The following PACRG variants were observed in gnomAD, a reference collection of about 807,000 sequenced individuals.
PACRG encodes the protein parkin coregulated, also known as parkin coregulated gene protein.
A neutral mutation model predicts 29.7 loss-of-function variants in PACRG; 29 were observed. The ratio of observed to expected loss-of-function variants is 0.98; its 90% CI spans 0.73 to 1.33. PACRG has a LOEUF of 1.33. Among genes scored for constraint, PACRG ranks in the 40% most tolerant of loss-of-function variants. PACRG has a pLI of 0.00. For missense variants in PACRG, 279 were observed against 316.2 expected, an observed-to-expected ratio of 0.88 and a Z score of 0.89; for synonymous variants, 116 against 118.7, an observed-to-expected ratio of 0.98 and a Z score of 0.15.
chr6:162,964,642 T>C (rs1002275338), intron 2 of PACRG, among the ~76,000 whole-genome samples: 1 of 152,118 alleles, frequency 6.6e-6, no homozygotes, highest in Non-Finnish European at 1.5e-5. Context: ...CATGAATGCG[T>C]TAGGAGGCTC....
chr6:162,954,548 T>A (rs1228890205), intron 2 of PACRG, among the ~76,000 whole-genome samples: 1 of 152,098 alleles, frequency 6.6e-6, no homozygotes, highest in African/African-American at 2.4e-5. Context: ...ATTATTATCA[T>A]TGTATCAGTA....
At chr6:163,294,995 A>G (rs1420567960) in intron 4 of PACRG, among the ~76,000 whole-genome samples, 1 of 152,238 alleles carries the variant, frequency 6.6e-6, no homozygotes, top group Non-Finnish European at 1.5e-5. Flanking sequence ...AAATGTGAGC[A>G]GTAACATTAT....
At chr6:162,761,901 C>A (rs1584270123) in intron 1 of PACRG, among the ~76,000 whole-genome samples, 1 of 139,994 alleles carries the variant, frequency 7.1e-6, no homozygotes. Flanking sequence ...AGCACCACTG[C>A]ACTCCAGCCT....
intron 4 of PACRG, among the ~76,000 whole-genome samples, chr6:163,097,088 C>T (rs915195663): frequency 3.9e-5 from 6 of 152,178 alleles, no homozygotes; most frequent in Non-Finnish European, 7.4e-5. Flanking sequence ...TAGTGACCTA[C>T]GCATAGGGCT....
chr6:163,126,479 G>C (rs1230072258), intron 4 of PACRG, among the ~76,000 whole-genome samples: 4 of 152,104 alleles, frequency 2.6e-5, no homozygotes, highest in Non-Finnish European at 5.9e-5. Flanking sequence ...TGGTATTTAT[G>C]AGGGCATTTA....
intron 2 of PACRG, among the ~76,000 whole-genome samples, chr6:163,058,630 C>T (rs774169523): frequency 1.1e-4 from 17 of 152,118 alleles, no homozygotes; most frequent in Non-Finnish European, 2.2e-4. Context: ...GGCGCTGTGG[C>T]TCACGCCTGT....
chr6:162,754,488 T>A (rs1048253572), intron 1 of PACRG, among the ~76,000 whole-genome samples: 10 of 152,198 alleles, frequency 6.6e-5, no homozygotes, highest in Non-Finnish European at 1.0e-4. Flanking sequence ...TTGTCTATTT[T>A]GCTTTTCCTT....
At chr6:162,810,521 T>C (rs1414317039) in intron 1 of PACRG, among the ~76,000 whole-genome samples, 1 of 152,170 alleles carries the variant, frequency 6.6e-6, no homozygotes, top group Non-Finnish European at 1.5e-5. Flanking sequence ...AATTAGTTAC[T>C]TCCAAAAATG....
At chr6:163,296,510 G>A (rs1279873809) in intron 4 of PACRG, among the ~76,000 whole-genome samples, 1 of 152,200 alleles carries the variant, frequency 6.6e-6, no homozygotes, top group African/African-American at 2.4e-5. Flanking sequence ...GGCCAGGCTG[G>A]TCTTGAACTT....
At chr6:163,309,781 T>C (rs1249881599) in intron 4 of PACRG, among the ~76,000 whole-genome samples, 1 of 152,198 alleles carries the variant, frequency 6.6e-6, no homozygotes, top group Non-Finnish European at 1.5e-5. Flanking sequence ...CTGACAACTC[T>C]GCCTTCCCCG....
rs376867356 is a variant in PACRG, at chr6:163,025,044, GA to G, written c.292-37105del. ...TCAATAAAATCTGACATCCCTCCATGATAAAAACCTTCAACAGACTAGGCAT... is the reference window on the plus strand; with the variant it reads ...TCAATAAAATCTGACATCCCTCCATGTAAAAACCTTCAACAGACTAGGCAT... On this transcript the variant is annotated intron_variant, in intron 2 of 4. Coordinates refer to ENST00000366888, the MANE Select transcript of PACRG (RefSeq NM_001080379.2). Among the ~76,000 whole-genome samples the G allele has an allele frequency of 4.6e-4, 70 of 152,230 alleles. No homozygotes were observed. The South Asian group carries it at 6.8e-3, about 15-fold the overall frequency.
Position 163,166,038 on chromosome 6 carries a change from A to G in PACRG, c.613+76630A>G, listed in dbSNP as rs1207954447. On this transcript the variant is annotated intron_variant, in intron 4 of 4. Transcript: ENST00000366888. ...GTTTGCCCACAAGCGCCCCGATTTC[A>G]TCTAAATCCGAGTGTAATGAAAGAC... 1.1e-5 allele frequency: 5 copies of G among 452,582 alleles called. No individual in the cohort carries two copies. The East Asian group carries it at 2.8e-4, about 25-fold the overall frequency. The allele number at this position is 452,582 out of a possible 1,614,324, so 28.0% of individuals were successfully genotyped here. A position where few individuals can be genotyped will look rare whatever the true frequency, so the allele number is the denominator to read the frequency against.
chr6:163,279,827 A>G (rs1367302623), intron 4 of PACRG, among the ~76,000 whole-genome samples: 1 of 152,218 alleles, frequency 6.6e-6, no homozygotes, highest in African/African-American at 2.4e-5. Context: ...TAATTGAAAG[A>G]GCTTGCTTGA....
At chr6:162,727,663 T>C (rs1462649580), upstream of PACRG, 16 of 1,584,358 alleles carry the variant, frequency 1.0e-5, no homozygotes, top group Non-Finnish European at 1.4e-5. Context: ...CCCACGTACC[T>C]ATCATGGTCA....
At chr6:162,803,349 G>A (rs1786041457) in intron 1 of PACRG, among the ~76,000 whole-genome samples, 1 of 152,138 alleles carries the variant, frequency 6.6e-6, no homozygotes, top group Non-Finnish European at 1.5e-5. Flanking sequence ...GCCTGTGCAG[G>A]AACAACCTGA....
chr6:163,086,955 G>A (rs1482792523), intron 3 of PACRG, among the ~76,000 whole-genome samples: 1 of 152,074 alleles, frequency 6.6e-6, no homozygotes, highest in Non-Finnish European at 1.5e-5. Flanking sequence ...AAACACTTCT[G>A]AGCACCCCAC....
intron 4 of PACRG, among the ~76,000 whole-genome samples, chr6:163,144,437 A>C (rs1408089481): frequency 6.6e-6 from 1 of 152,158 alleles, no homozygotes; most frequent in Non-Finnish European, 1.5e-5. Context: ...CGTTTGCATA[A>C]TGAAAACACA....
At chr6:163,147,053 C>A (rs753207254) in intron 4 of PACRG, among the ~76,000 whole-genome samples, 102 of 152,160 alleles carry the variant, frequency 6.7e-4, no homozygotes, top group Non-Finnish European at 1.4e-3. Flanking sequence ...TAGCTGAATA[C>A]CCCTTATGAA....
At chr6:163,144,432 G>A (rs1562937854) in intron 4 of PACRG, among the ~76,000 whole-genome samples, 2 of 151,962 alleles carry the variant, frequency 1.3e-5, no homozygotes, top group Non-Finnish European at 2.9e-5. Context: ...ACTAACGTTT[G>A]CATAATGAAA....
Sources: gnomAD v4.1 joint callset for allele counts (sites outside exome capture counted in the v4.1 genomes callset) on GRCh38, gnomAD v4.1.1 for gene constraint, MANE v1.5 for transcripts, NCBI Gene and HGNC (gene_info 2026-07-23, HGNC 2026-07-21) for gene names.